RYR2: variants seen among roughly 807,000 people sequenced by gnomAD.
RYR2 encodes ryanodine receptor 2.
Under a neutral mutation model 601.1 loss-of-function variants are expected in RYR2, and 227 were observed. That is an observed-to-expected ratio of 0.38 (90% CI 0.34 to 0.42). The LOEUF (loss-of-function observed/expected upper bound fraction) is 0.42, where lower values mean the gene tolerates loss of function less well. RYR2 is among the 10% of genes least tolerant of loss of function. The pLI is 1.00. For synonymous variants in RYR2, 2,223 were observed against 2,175.1 expected (o/e 1.02, Z -0.61); for missense variants, 4,646 against 6,156.5 (o/e 0.75, Z 8.21).
intron 87 of RYR2, among the ~76,000 whole-genome samples, chr1:237,775,242 C>T (rs1392852568): frequency 1.3e-5 from 2 of 152,024 alleles, no homozygotes; most frequent in Non-Finnish European, 2.9e-5. Flanking sequence ...TATGATTCAC[C>T]CAGCTTTCCC....
At chr1:237,780,180 A>T (rs756968350) in intron 88 of RYR2, among the ~76,000 whole-genome samples, 2 of 152,186 alleles carry the variant, frequency 1.3e-5, no homozygotes, top group Non-Finnish European at 2.9e-5. Flanking sequence ...GGCCAAGTTG[A>T]GAAGAGGGCT....
intron 2 of RYR2, among the ~76,000 whole-genome samples, chr1:237,329,137 A>G (rs1052758968): frequency 1.3e-5 from 2 of 152,194 alleles, no homozygotes; most frequent in African/African-American, 2.4e-5. Flanking sequence ...AAAGAAATGC[A>G]TTCACAATTT....
chr1:237,650,074 A>C lies in RYR2; in HGVS notation c.7710A>C (p.Glu2570Asp). Residue 2570 changes from glutamate (E) to aspartate (D), a missense_variant, in exon 50 of 105, where the codon GAA (glutamate) becomes GAC (aspartate). Transcript: ENST00000366574. ...SLTKAQRDSIEVCLLSICGQL... is the reference protein window; with the variant it reads ...SLTKAQRDSIDVCLLSICGQL... Reference sequence around the variant, plus strand: ...CCAAAGCTCAGCGGGATTCCATAGAAGTTTGTTTACTCTCTATTTGTGGGT... The same window carrying C: ...CCAAAGCTCAGCGGGATTCCATAGACGTTTGTTTACTCTCTATTTGTGGGT... 6.2e-7 allele frequency: 1 copy of C among 1,613,986 alleles called. No homozygotes were observed. Among genetic ancestry groups the C allele is most frequent in the African/African-American group, 1.3e-5 (1 of 75,056 alleles).
Position 237,590,975 on chromosome 1 carries a change from C to T in RYR2, c.4143C>T (p.Pro1381=), listed in dbSNP as rs762991553. The change falls in exon 31 of 105, where the codon CCC becomes CCT. Residue 1381 remains proline, a synonymous_variant. Transcript: ENST00000366574. The part of the protein sequence containing the change: ...NNHKDYAQEK[P]SRLKQRFLLR... ...ACAAAGATTATGCCCAGGAAAAGCC[C>T]TCTCGTCTGAAACAAAGGTTACTAA... 10 of 1,611,532 alleles carry T rather than the reference C, an allele frequency of 6.2e-6. No homozygotes were observed. The African/African-American group carries it at 1.3e-4, about 22-fold the overall frequency.
intron 2 of RYR2, among the ~76,000 whole-genome samples, chr1:237,322,763 G>T (rs1429626870): frequency 6.6e-6 from 1 of 150,900 alleles, no homozygotes; most frequent in East Asian, 2.0e-4. Context: ...GCTGATCCTT[G>T]TTATCATGAA....
intron 27 of RYR2, among the ~76,000 whole-genome samples, chr1:237,565,141 TTTTCTTTCTTTCTTTCTCTTTC>T (rs1671856013): frequency 1.3e-4 from 6 of 47,516 alleles, no homozygotes; most frequent in South Asian, 9.1e-4. Context: ...CTTTCTTTCT[TTTTCTTTCTTTCTTTCTCTTTC>T]TTTCTTTCTT....
rs1004947949 is a variant in RYR2, at chr1:237,599,373, C to T, written c.4597-2652C>T. Among the ~76,000 whole-genome samples, 43 of 152,084 alleles carry T rather than the reference C, an allele frequency of 2.8e-4. 1 individual carries two copies. The highest frequency in any genetic ancestry group is 2.8e-3 in the Admixed American group (43 of 15,258). ...TGACATGATCCTATATATAAAAATA[C>T]CTTTAAAAGTTTACTAAAAAACTGT... On this transcript the variant is annotated intron_variant, in intron 34 of 104. Transcript: ENST00000366574.
At chr1:237,690,719 C>T (rs186305594) in intron 63 of RYR2, among the ~76,000 whole-genome samples, 86 of 152,170 alleles carry the variant, frequency 5.7e-4, no homozygotes, top group Middle Eastern at 6.8e-3. Context: ...AAAAATTAGC[C>T]ATGTCTGGTG....
intron 56 of RYR2, 42 bp downstream of exon 56, chr1:237,660,989 G>A: frequency 8.6e-6 from 11 of 1,273,692 alleles, no homozygotes; most frequent in South Asian, 3.1e-5. Context: ...TTTATGTTAT[G>A]GATTAAATAA....
chr1:237,364,435 A>T, intron 5 of RYR2, 63 bp downstream of exon 5: 1 of 905,118 alleles, frequency 1.1e-6, no homozygotes. Context: ...TATATGGATT[A>T]TATATGTATG....
chr1:237,428,058 C>G (rs1208148319), intron 12 of RYR2, among the ~76,000 whole-genome samples: 1 of 152,104 alleles, frequency 6.6e-6, no homozygotes, highest in Non-Finnish European at 1.5e-5. Flanking sequence ...GAGATACCAA[C>G]TCATACCAGT....
chr1:237,047,112 C>T (rs140549163), intron 1 of RYR2, among the ~76,000 whole-genome samples: 2 of 152,234 alleles, frequency 1.3e-5, no homozygotes, highest in East Asian at 1.9e-4. Flanking sequence ...TGTCACACTC[C>T]AAGTTAGTGG....
intron 81 of RYR2, 118 bp downstream of exon 81, chr1:237,756,505 G>T: frequency 1.7e-6 from 1 of 605,284 alleles, no homozygotes; most frequent in Non-Finnish European, 2.9e-6. Context: ...TCTGGTTCAT[G>T]ACTATATCAG....
chr1:237,383,045 TAAA>T (rs919026503), intron 8 of RYR2, among the ~76,000 whole-genome samples: 43 of 152,180 alleles, frequency 2.8e-4, no homozygotes, highest in African/African-American at 1.0e-3. Context: ...GAAAGTTTAA[TAAA>T]AAATGAATAA....
chr1:237,559,220 T>C (rs916913375), intron 27 of RYR2, among the ~76,000 whole-genome samples: 1 of 152,136 alleles, frequency 6.6e-6, no homozygotes, highest in African/African-American at 2.4e-5. Flanking sequence ...CAGGGAGTGT[T>C]TATTTGATTA....
intron 79 of RYR2, among the ~76,000 whole-genome samples, chr1:237,735,725 T>C (rs2149183613): frequency 6.6e-6 from 1 of 152,296 alleles, no homozygotes; most frequent in East Asian, 1.9e-4. Flanking sequence ...ACACACATCC[T>C]CCTGTATACT....
At chr1:237,539,975 T>C (rs1669077627) in intron 25 of RYR2, among the ~76,000 whole-genome samples, 7 of 152,212 alleles carry the variant, frequency 4.6e-5, no homozygotes, top group Admixed American at 4.6e-4. Context: ...GGAAAATTCT[T>C]AAGAAATTTT....
Position 237,709,575 on chromosome 1 carries a change from T to C in RYR2, c.10230+8T>C. The C allele has an allele frequency of 6.4e-7, 1 of 1,569,160 alleles. No homozygotes were observed. The highest frequency in any genetic ancestry group is 8.7e-7 in the Non-Finnish European group (1 of 1,144,554). The stretch of plus-strand genomic sequence containing the variant: ...TACTGGTCGAAGTCCCATGTGAGTG[T>C]GAAAATATTGATAGATCACGCCTAC... On this transcript the variant is annotated splice_region_variant and intron_variant, in intron 70 of 104. Coordinates refer to ENST00000366574, the MANE Select transcript of RYR2 (RefSeq NM_001035.3).
chr1:237,091,855 T>C (rs1666992261), intron 1 of RYR2, among the ~76,000 whole-genome samples: 1 of 152,218 alleles, frequency 6.6e-6, no homozygotes, highest in South Asian at 2.1e-4. Context: ...AGCCAGAGCA[T>C]TCCTAGACTG....
Sources: allele counts gnomAD v4.1 joint callset (sites outside exome capture counted in the v4.1 genomes callset), GRCh38; gene constraint gnomAD v4.1.1; transcripts MANE v1.5; gene names NCBI Gene and HGNC (gene_info 2026-07-23, HGNC 2026-07-21).